RBFOX1: variants seen among roughly 807,000 people sequenced by gnomAD.
RBFOX1 encodes RNA binding fox-1 homolog 1, also known as RNA binding protein fox-1 homolog 1.
In RBFOX1, 8 loss-of-function variants were observed where a neutral mutation model predicts 57.7. That is an observed-to-expected ratio of 0.14 (90% CI 0.08 to 0.25). The LOEUF (loss-of-function observed/expected upper bound fraction) is 0.25, where lower values mean the gene tolerates loss of function less well. Among genes scored for constraint, RBFOX1 ranks in the 10% least tolerant of loss-of-function variants. RBFOX1 has a pLI of 1.00. For synonymous variants in RBFOX1, 326 were observed against 222.4 expected (o/e 1.47, Z -4.15); for missense variants, 611 against 548.5 (o/e 1.11, Z -1.14).
intron 4 of RBFOX1, among the ~76,000 whole-genome samples, chr16:5,927,204 C>T (rs2058957008): frequency 6.6e-6 from 1 of 152,126 alleles, no homozygotes; most frequent in African/African-American, 2.4e-5. Context: ...AAATTCTATG[C>T]AGATTCCTAA....
chr16:6,797,889 C>T (rs1022689436), intron 3 of RBFOX1, among the ~76,000 whole-genome samples: 1 of 152,054 alleles, frequency 6.6e-6, no homozygotes, highest in Non-Finnish European at 1.5e-5. Flanking sequence ...AGCTAGCTGA[C>T]TTTTGGAAAG....
At chr16:5,796,567 TG>T (rs2054886595) in intron 3 of RBFOX1, among the ~76,000 whole-genome samples, 1 of 33,116 alleles carries the variant, frequency 3.0e-5, no homozygotes, top group Non-Finnish European at 4.8e-5. Context: ...CTCCACACCC[TG>T]ATGATGATGA....
intron 4 of RBFOX1, among the ~76,000 whole-genome samples, chr16:7,452,799 A>C (rs11644142): frequency 2.0e-3 from 297 of 152,292 alleles, no homozygotes; most frequent in Admixed American, 3.6e-3. Flanking sequence ...AAGAAGAAAT[A>C]ACTGAATAAA....
Position 7,581,482 on chromosome 16 carries a change from A to G in RBFOX1, c.414+1562A>G, listed in dbSNP as rs568859949. On this transcript the variant is annotated intron_variant, in intron 6 of 15. Transcript: ENST00000550418. Reference sequence around the variant, plus strand: ...AGTGTCACTGTGATGTTGGCTTTCAATGTGATCCCCTTAATGACCGTCCTG... The same window carrying G: ...AGTGTCACTGTGATGTTGGCTTTCAGTGTGATCCCCTTAATGACCGTCCTG... Among the ~76,000 whole-genome samples, 15 of 152,170 alleles carry G rather than the reference A, an allele frequency of 9.9e-5. No individual in the cohort carries two copies. The South Asian group carries it at 2.1e-3, about 21-fold the overall frequency.
At chr16:7,087,968 A>C (rs765796616) in intron 4 of RBFOX1, among the ~76,000 whole-genome samples, 1 of 152,144 alleles carries the variant, frequency 6.6e-6, no homozygotes, top group Non-Finnish European at 1.5e-5. Flanking sequence ...TGCAGCCCAG[A>C]GTAATCGCAT....
intron 3 of RBFOX1, among the ~76,000 whole-genome samples, chr16:7,045,466 T>C (rs2047590178): frequency 1.3e-5 from 2 of 152,182 alleles, no homozygotes; most frequent in Non-Finnish European, 2.9e-5. Context: ...GGCTATTTCC[T>C]TGGCTACTGT....
intron 3 of RBFOX1, among the ~76,000 whole-genome samples, chr16:6,768,791 C>T (rs779864435): frequency 1.4e-5 from 2 of 147,948 alleles, no homozygotes; most frequent in African/African-American, 2.5e-5. Flanking sequence ...TGCAATGGGG[C>T]GAACTCAGCT....
At chr16:5,960,630 C>T (rs1037511859) in intron 4 of RBFOX1, among the ~76,000 whole-genome samples, 11 of 152,060 alleles carry the variant, frequency 7.2e-5, no homozygotes, top group Admixed American at 1.3e-4. Flanking sequence ...ATCTCCGAAA[C>T]CTCTAGCTCC....
chr16:6,729,236 G>C (rs1402874694), intron 3 of RBFOX1, among the ~76,000 whole-genome samples: 1 of 152,186 alleles, frequency 6.6e-6, no homozygotes, highest in Non-Finnish European at 1.5e-5. Flanking sequence ...GGGGTCACCA[G>C]ACCCCAGGGA....
In RBFOX1 at chr16:6,201,289, A is replaced by T. The variant is rs146663496; in HGVS notation, c.-126-115706A>T. 1.2e-3 allele frequency among the ~76,000 whole-genome samples: 184 copies of T among 152,228 alleles called. 1 individual carries two copies. Among genetic ancestry groups the T allele is most frequent in the African/African-American group, 4.2e-3 (173 of 41,540 alleles). The stretch of plus-strand genomic sequence containing the variant: ...ACATAGAGGTGCAGACCTCTTCTTT[A>T]TAAGGGTTTTCTTTTCTTTGGGAGA... On this transcript the variant is annotated intron_variant, in intron 1 of 15. Coordinates refer to ENST00000550418, the MANE Select transcript of RBFOX1 (RefSeq NM_018723.4).
At chr16:7,434,699 C>A (rs2098708371) in intron 4 of RBFOX1, among the ~76,000 whole-genome samples, 1 of 151,638 alleles carries the variant, frequency 6.6e-6, no homozygotes, top group Non-Finnish European at 1.5e-5. Context: ...CCAGAGAGTT[C>A]CCATCTACCC....
At chr16:6,320,598 A>C (rs1012875025) in intron 2 of RBFOX1, among the ~76,000 whole-genome samples, 19 of 152,286 alleles carry the variant, frequency 1.2e-4, no homozygotes, top group African/African-American at 4.3e-4. Flanking sequence ...CAAGCTACTT[A>C]ACATACTTAT....
At chr16:6,222,361 C>G (rs2097380066) in intron 1 of RBFOX1, among the ~76,000 whole-genome samples, 1 of 152,000 alleles carries the variant, frequency 6.6e-6, no homozygotes, top group African/African-American at 2.4e-5. Context: ...TTGAAACTTT[C>G]TGGAGACAAA....
At chr16:7,352,772 G>C (rs1401976536) in intron 4 of RBFOX1, among the ~76,000 whole-genome samples, 3 of 152,134 alleles carry the variant, frequency 2.0e-5, no homozygotes, top group African/African-American at 7.2e-5. Context: ...CTGGAGTGCA[G>C]TGGTGCGATC....
At chr16:6,870,929 C>G (rs189041962) in intron 3 of RBFOX1, among the ~76,000 whole-genome samples, 1 of 152,132 alleles carries the variant, frequency 6.6e-6, no homozygotes. Flanking sequence ...AGACTTTTTC[C>G]ATTTCTATCC....
intron 3 of RBFOX1, among the ~76,000 whole-genome samples, chr16:5,752,650 A>G (rs1294145490): frequency 7.2e-5 from 11 of 152,144 alleles, no homozygotes. Flanking sequence ...GGTTTCAGAA[A>G]AGGATGGTAA....
At chr16:6,705,623 G>A (rs2062598547) in intron 3 of RBFOX1, 1 of 152,086 alleles carries the variant, frequency 6.6e-6, no homozygotes, top group Non-Finnish European at 1.5e-5. Flanking sequence ...TACAAGATGA[G>A]CCTGATAGCA....
At chr16:7,193,725 G>T (rs571787303) in intron 4 of RBFOX1, among the ~76,000 whole-genome samples, 16 of 152,324 alleles carry the variant, frequency 1.1e-4, no homozygotes, top group Admixed American at 2.6e-4. Flanking sequence ...GAAATACAGA[G>T]CCCATGCTCT....
chr16:6,737,693 G>A (rs2070788260), intron 3 of RBFOX1, among the ~76,000 whole-genome samples: 1 of 152,152 alleles, frequency 6.6e-6, no homozygotes, highest in African/African-American at 2.4e-5. Context: ...TCCTCAAAAT[G>A]TCCCAGAGCC....
Sources: gnomAD v4.1 joint callset for allele counts (sites outside exome capture counted in the v4.1 genomes callset) on GRCh38, gnomAD v4.1.1 for gene constraint, MANE v1.5 for transcripts, NCBI Gene and HGNC (gene_info 2026-07-23, HGNC 2026-07-21) for gene names.